CXCL5: variants seen among roughly 807,000 people sequenced by gnomAD.
The protein encoded by CXCL5 is C-X-C motif chemokine 5.
CXCL5 carries 13 observed loss-of-function variants against 12.1 expected under a neutral mutation model. The ratio of observed to expected loss-of-function variants is 1.08; its 90% CI spans 0.70 to 1.71. CXCL5 has a LOEUF of 1.71. CXCL5 is among the 40% of genes most tolerant of loss of function. CXCL5 has a pLI of 0.00. For synonymous variants in CXCL5, 67 were observed against 59.0 expected (o/e 1.14, Z -0.62); for missense variants, 159 against 142.4 (o/e 1.12, Z -0.59).
rs756121915 is a variant in CXCL5, at chr4:73,997,659, T to C, written c.327-4A>G. 3 of 1,605,892 alleles carry C rather than the reference T, an allele frequency of 1.9e-6. No homozygotes were observed. The highest frequency in any genetic ancestry group is 1.7e-4 in the Middle Eastern group (1 of 6,040). Reference sequence around the variant, plus strand: ...TAATCAGTTTTCCTTGTTTCCACTGTTGAGAAAAATGTTATATTAGTTTAA... The same window carrying C: ...TAATCAGTTTTCCTTGTTTCCACTGCTGAGAAAAATGTTATATTAGTTTAA... On this transcript the variant is annotated splice_polypyrimidine_tract_variant and splice_region_variant and intron_variant, in intron 3 of 3. Transcript: ENST00000296027.
chr4:73,997,797 A>G, intron 3 of CXCL5, 142 bp from the exon 4 acceptor site: 1 of 778,678 alleles, frequency 1.3e-6, no homozygotes, highest in Non-Finnish European at 2.1e-6. Context: ...CAAAAAACAT[A>G]ACTTAGTGAC....
Position 73,998,587 on chromosome 4 carries a change from T to C in CXCL5, c.-6A>G. 1 of 1,578,030 alleles carries C rather than the reference T, an allele frequency of 6.3e-7. No homozygotes were observed. Among genetic ancestry groups the C allele is most frequent in the Admixed American group, 1.8e-5 (1 of 54,352 alleles). On this transcript the variant is annotated 5_prime_UTR_variant, in exon 1 of 4. Transcript: ENST00000296027. ...CGGCTGGACAGGAGGCTCATAGTGG[T>C]CAAGAGAGCGCTGCGAGCGGTCGCG...
chr4:73,997,221 C>T lies in CXCL5; in HGVS notation c.*416G>A, dbSNP rs1719212894. On this transcript the variant is annotated 3_prime_UTR_variant, in exon 4 of 4. Transcript: ENST00000296027. ...TTCCATCAACAGAATTCTTATGAAA[C>T]ATCATTTCCACATTAAATCCACAGC... 1 of 163,018 alleles carries T rather than the reference C, an allele frequency of 6.1e-6. No homozygotes were observed. Among genetic ancestry groups the T allele is most frequent in the South Asian group, 2.0e-4 (1 of 4,924 alleles). 10.1% of individuals were successfully genotyped at this position (163,018 alleles called of 1,614,324 possible). A position where few individuals can be genotyped will look rare whatever the true frequency, so the allele number is the denominator to read the frequency against.
Position 73,998,083 on chromosome 4 carries a change from CT to C in CXCL5, c.254del (p.Lys85ArgfsTer15), listed in dbSNP as rs545420380. 120 of 1,613,782 alleles carry C rather than the reference CT, an allele frequency of 7.4e-5. No homozygotes were observed. In the Middle Eastern group the frequency reaches 9.9e-4, roughly 13 times the overall value. On this transcript the variant is annotated frameshift_variant, in exon 3 of 4. Coordinates refer to ENST00000296027, the MANE Select transcript of CXCL5 (RefSeq NM_002994.5). LOFTEE classifies it high-confidence loss of function. Reference protein sequence around the residue: ...CSKVEVVASLKNGKEICLDPE... With the variant: ...CSKVEVVASLXNGKEICLDPE... ...GATCAAGACAAATTTCCTTCCCGTT[CT>C]TCAGGGAGGCTCTGAAGGAAAGAAA...
At chr4:73,998,431 G>C in intron 1 of CXCL5, 42 bp downstream of exon 1, 1 of 1,607,548 alleles carries the variant, frequency 6.2e-7, no homozygotes, top group South Asian at 1.1e-5. Context: ...ATGCACCTCT[G>C]TGCCCGAGTG....
chr4:73,998,360 C>A, intron 1 of CXCL5, 22 bp from the exon 2 acceptor site: 1 of 1,613,558 alleles, frequency 6.2e-7, no homozygotes, highest in Non-Finnish European at 8.5e-7. Flanking sequence ...AGAGAGACAC[C>A]CTTTATAGGG....
In CXCL5 at chr4:73,998,349, AAGAG is replaced by A; in HGVS notation, c.110-15_110-12del. ...CAGCGGCAGGACCAGCTGGGGAAGA[AAGAG>A]AGACACCCTTTATAGGGCAGGTTGC... On this transcript the variant is annotated splice_polypyrimidine_tract_variant and intron_variant, in intron 1 of 3. Coordinates refer to ENST00000296027, the MANE Select transcript of CXCL5 (RefSeq NM_002994.5). The A allele has an allele frequency of 1.2e-6, 2 of 1,614,010 alleles. No individual in the cohort carries two copies. Among genetic ancestry groups the A allele is most frequent in the Non-Finnish European group, 1.7e-6 (2 of 1,179,964 alleles).
chr4:73,998,269 G>C lies in CXCL5; in HGVS notation c.179C>G (p.Pro60Arg), dbSNP rs200608132. The change falls in exon 2 of 4, where the codon CCC (proline) becomes CGC (arginine). Residue 60 changes from proline to arginine, a missense_variant. Pro to Arg is a moderately radical substitution (Grantham distance 103, BLOSUM62 -2). Transcript: ENST00000296027. ...VCLQTTQGVH[P>R]KMISNLQVFA... ...CACTTGCAGATTACTGATCATTTTG[G>C]GATGAACTCCTTGCGTGGTCTGTAA... 3.0e-5 allele frequency: 49 copies of C among 1,614,148 alleles called. No homozygotes were observed. The highest frequency in any genetic ancestry group is 4.2e-5 in the Non-Finnish European group (49 of 1,180,026).
In CXCL5 at chr4:73,995,908, T is replaced by TTTCGTGC. The variant is rs1405637887; in HGVS notation, c.*1728_*1729insGCACGAA. 2 of 150,912 alleles carry TTTCGTGC rather than the reference T, an allele frequency of 1.3e-5. No homozygotes were observed. Among genetic ancestry groups the TTTCGTGC allele is most frequent in the Non-Finnish European group, 3.0e-5 (2 of 67,692 alleles). The allele number at this position is 150,912 out of a possible 1,614,324, so 9.3% of individuals were successfully genotyped here. A position where few individuals can be genotyped will look rare whatever the true frequency, so the allele number is the denominator to read the frequency against. On this transcript the variant is annotated 3_prime_UTR_variant, in exon 4 of 4. Transcript: ENST00000296027. ...AAGAAATGTTTTATTTTTCTTGCAGTAGCTTTGTTAATTGCACAAAATTAT... is the reference window on the plus strand; with the variant it reads ...AAGAAATGTTTTATTTTTCTTGCAGTTTCGTGCAGCTTTGTTAATTGCACAAAATTAT...
chr4:73,998,533 A>T lies in CXCL5; in HGVS notation c.49T>A (p.Ser17Thr). Residue 17 changes from serine (S) to threonine (T), a missense_variant, in exon 1 of 4, where the codon TCC becomes ACC. Transcript: ENST00000296027. The part of the protein sequence containing the change: ...RAARVPGPSS[S>T]LCALLVLLLL... ...AGCAGCACCAACAGCGCGCACAAGG[A>T]GCTCGAAGGACCGGGGACACGGGCC... 1 of 1,596,388 alleles carries T rather than the reference A, an allele frequency of 6.3e-7. No homozygotes were observed. The highest frequency in any genetic ancestry group is 2.3e-5 in the East Asian group (1 of 43,906).
chr4:73,996,276 C>CACA lies in CXCL5; in HGVS notation c.*1360_*1361insTGT, dbSNP rs1719189966. On this transcript the variant is annotated 3_prime_UTR_variant, in exon 4 of 4. Transcript: ENST00000296027. ...CCAACCCCAGTGTGTCCCACCAGGA[C>CACA]TAGAACAGGCTTTACATTCAGACAG... The CACA allele has an allele frequency of 6.6e-6, 1 of 152,592 alleles. No individual in the cohort carries two copies. Among genetic ancestry groups the CACA allele is most frequent in the Admixed American group, 6.5e-5 (1 of 15,268 alleles). 9.5% of individuals were successfully genotyped at this position (152,592 alleles called of 1,614,324 possible). A position where few individuals can be genotyped will look rare whatever the true frequency, so the allele number is the denominator to read the frequency against.
Position 73,996,282 on chromosome 4 carries a change from C to T in CXCL5, c.*1355G>A, listed in dbSNP as rs570895588. 2 of 152,634 alleles carry T rather than the reference C, an allele frequency of 1.3e-5. No individual in the cohort carries two copies. Among genetic ancestry groups the T allele is most frequent in the East Asian group, 3.9e-4 (2 of 5,180 alleles). 9.5% of individuals were successfully genotyped at this position (152,634 alleles called of 1,614,324 possible). On this transcript the variant is annotated 3_prime_UTR_variant, in exon 4 of 4. Coordinates refer to ENST00000296027, the MANE Select transcript of CXCL5 (RefSeq NM_002994.5). ...CCAGTGTGTCCCACCAGGACTAGAACAGGCTTTACATTCAGACAGAAATGC... is the reference window on the plus strand; with the variant it reads ...CCAGTGTGTCCCACCAGGACTAGAATAGGCTTTACATTCAGACAGAAATGC...
chr4:73,995,903 T>G lies in CXCL5; in HGVS notation c.*1734A>C, dbSNP rs1468029905. ...TTACCAAGAAATGTTTTATTTTTCT[T>G]GCAGTAGCTTTGTTAATTGCACAAA... On this transcript the variant is annotated 3_prime_UTR_variant, in exon 4 of 4. Transcript: ENST00000296027. 6.6e-6 allele frequency: 1 copy of G among 150,720 alleles called. No homozygotes were observed. The highest frequency in any genetic ancestry group is 1.5e-5 in the Non-Finnish European group (1 of 67,664). 9.3% of individuals were successfully genotyped at this position (150,720 alleles called of 1,614,324 possible).
At chr4:73,997,972 G>C (rs1560549284) in intron 3 of CXCL5, 40 bp downstream of exon 3, 6 of 1,505,886 alleles carry the variant, frequency 4.0e-6, no homozygotes, top group South Asian at 1.1e-5. Context: ...GGTCTCCCTA[G>C]ATCAGATTTA....
At chr4:73,998,141 A>G (rs764910847) in intron 2 of CXCL5, 46 bp from the exon 3 acceptor site, 2 of 1,613,910 alleles carry the variant, frequency 1.2e-6, no homozygotes, top group Non-Finnish European at 1.7e-6. Context: ...ACCAAGGTTG[A>G]AGACCCAGGC....
chr4:73,998,010 A>T lies in CXCL5; in HGVS notation c.326+2T>A. 1 of 1,613,104 alleles carries T rather than the reference A, an allele frequency of 6.2e-7. No individual in the cohort carries two copies. The highest frequency in any genetic ancestry group is 8.5e-7 in the Non-Finnish European group (1 of 1,179,092). On this transcript the variant is annotated splice_donor_variant, in intron 3 of 3. Transcript: ENST00000296027. LOFTEE classifies it high-confidence loss of function. ...AACCACAAAGATCAAAGTGACAAGT[A>T]CCCGTCCAAAATTTTCTGGATGACT...
rs760878631 is a variant in CXCL5 at position 73,998,440 on chromosome 4, T to C, written c.109+33A>G. 6.8e-6 allele frequency: 11 copies of C among 1,607,224 alleles called. No homozygotes were observed. The East Asian group carries it at 2.5e-4, about 36-fold the overall frequency. ...GCTGGGATGCACCTCTGTGCCCGAGTGCGAGTGCGTCCCGCGCGCCATGCG... is the reference window on the plus strand; with the variant it reads ...GCTGGGATGCACCTCTGTGCCCGAGCGCGAGTGCGTCCCGCGCGCCATGCG... On this transcript the variant is annotated intron_variant, in intron 1 of 3. Transcript: ENST00000296027.
chr4:73,997,643 T>A lies in CXCL5; in HGVS notation c.339A>T (p.Glu113Asp). Reference sequence around the variant, plus strand: ...GCGTGCTCATTTCTCTTAATCAGTTTTCCTTGTTTCCACTGTTGAGAAAAA... The same window carrying A: ...GCGTGCTCATTTCTCTTAATCAGTTATCCTTGTTTCCACTGTTGAGAAAAA... ...IQKILDGGNK[E>D]N The change falls in exon 4 of 4, where the codon GAA becomes GAT. Residue 113 changes from glutamate (E) to aspartate (D), a missense_variant. Glu to Asp is a conservative substitution (Grantham distance 45). Transcript: ENST00000296027. 6.2e-7 allele frequency: 1 copy of A among 1,609,766 alleles called. No homozygotes were observed. The highest frequency in any genetic ancestry group is 8.5e-7 in the Non-Finnish European group (1 of 1,177,526).
Position 73,998,105 on chromosome 4 carries a change from A to T in CXCL5, c.243-10T>A. ...GTTCTTCAGGGAGGCTCTGAAGGAA[A>T]GAAAAAGAAGATACACTCATGAGAT... On this transcript the variant is annotated splice_polypyrimidine_tract_variant and intron_variant, in intron 2 of 3. Coordinates refer to ENST00000296027, the MANE Select transcript of CXCL5 (RefSeq NM_002994.5). 2.5e-6 allele frequency: 4 copies of T among 1,613,474 alleles called. No homozygotes were observed. The highest frequency in any genetic ancestry group is 2.5e-6 in the Non-Finnish European group (3 of 1,179,872).
Sources: gnomAD v4.1 joint callset for allele counts on GRCh38, gnomAD v4.1.1 for gene constraint, MANE v1.5 for transcripts, NCBI Gene and HGNC (gene_info 2026-07-23, HGNC 2026-07-21) for gene names.